MYRIP: variants seen among roughly 807,000 people sequenced by gnomAD.
MYRIP encodes the protein rab effector MyRIP.
Under a neutral mutation model 98.0 loss-of-function variants are expected in MYRIP, and 49 were observed. The ratio of observed to expected loss-of-function variants is 0.50; its 90% CI spans 0.40 to 0.63. The LOEUF (loss-of-function observed/expected upper bound fraction) is 0.63. Ranked by LOEUF, MYRIP falls within the 30% of genes least tolerant of loss-of-function variation. The pLI is 0.00. For synonymous variants in MYRIP, 404 were observed against 409.5 expected (o/e 0.99, Z 0.16); for missense variants, 1,004 against 1,058.2 (o/e 0.95, Z 0.71).
intron 5 of MYRIP, among the ~76,000 whole-genome samples, chr3:40,163,321 C>G (rs1214897757): frequency 6.6e-6 from 1 of 152,200 alleles, no homozygotes; most frequent in African/African-American, 2.4e-5. Context: ...CCTGTGACCT[C>G]CACAGCTTAT....
intron 3 of MYRIP, among the ~76,000 whole-genome samples, chr3:40,088,028 G>T (rs1948663508): frequency 6.6e-6 from 1 of 152,186 alleles, no homozygotes; most frequent in South Asian, 2.1e-4. Context: ...GCTGGCAGAA[G>T]TGCCAGGCTC....
intron 3 of MYRIP, among the ~76,000 whole-genome samples, chr3:40,090,516 A>G (rs545942186): frequency 4.6e-5 from 7 of 152,294 alleles, no homozygotes; most frequent in African/African-American, 9.6e-5. Flanking sequence ...TTTACCTATC[A>G]TCATTTCTGC....
chr3:39,997,936 C>A lies in MYRIP; in HGVS notation c.111-46114C>A, dbSNP rs142620447. On this transcript the variant is annotated intron_variant, in intron 2 of 16. Coordinates refer to ENST00000302541, the MANE Select transcript of MYRIP (RefSeq NM_015460.4). Reference sequence around the variant, plus strand: ...TAAACAGAATCAATGACAAAAACCACATAATTATCTCAATAAATGCAGAAA... The same window carrying A: ...TAAACAGAATCAATGACAAAAACCAAATAATTATCTCAATAAATGCAGAAA... 9.3e-3 allele frequency among the ~76,000 whole-genome samples: 1,418 copies of A among 152,220 alleles called. 23 individuals carry two copies. Among genetic ancestry groups the A allele is most frequent in the African/African-American group, 0.031 (1,304 of 41,522 alleles).
intron 13 of MYRIP, 58 bp downstream of exon 13, chr3:40,244,665 G>A (rs1310583590): frequency 1.3e-6 from 2 of 1,513,574 alleles, no homozygotes; most frequent in Non-Finnish European, 1.8e-6. Flanking sequence ...GGAGCCCCAT[G>A]TTCTACAAGA....
intron 2 of MYRIP, among the ~76,000 whole-genome samples, chr3:39,917,217 A>C (rs2125686519): frequency 6.6e-6 from 1 of 152,138 alleles, no homozygotes; most frequent in South Asian, 2.1e-4. Context: ...CAAAAAGATT[A>C]CATTAATTAA....
intron 2 of MYRIP, among the ~76,000 whole-genome samples, chr3:40,007,986 G>T (rs1417542663): frequency 6.6e-6 from 1 of 152,088 alleles, no homozygotes; most frequent in Non-Finnish European, 1.5e-5. Flanking sequence ...CACATATCTG[G>T]GTACTGTGGC....
chr3:40,046,322 C>A (rs563539002), intron 3 of MYRIP, among the ~76,000 whole-genome samples: 2 of 151,880 alleles, frequency 1.3e-5, no homozygotes, highest in East Asian at 1.9e-4. Flanking sequence ...TGGCTGCATG[C>A]GCTACACTGA....
At chr3:40,160,532 T>C (rs9683048) in intron 4 of MYRIP, among the ~76,000 whole-genome samples, 19,108 of 151,922 alleles carry the variant, frequency 0.13, 2,842 homozygotes, top group African/African-American at 0.36. Flanking sequence ...CCAGTTCGAG[T>C]TTCCTGGCTG....
At chr3:40,045,374 C>T (rs1381990344) in intron 3 of MYRIP, among the ~76,000 whole-genome samples, 6 of 152,042 alleles carry the variant, frequency 3.9e-5, no homozygotes, top group East Asian at 1.9e-4. Context: ...CTGGGTGCTA[C>T]GCAGGTCCTG....
chr3:39,818,433 C>T (rs1038926134), intron 1 of MYRIP, among the ~76,000 whole-genome samples: 2 of 152,148 alleles, frequency 1.3e-5, no homozygotes, highest in South Asian at 2.1e-4. Context: ...TTTATTGGCT[C>T]TTCATGGCCA....
chr3:39,986,871 G>C (rs1043337531), intron 2 of MYRIP, among the ~76,000 whole-genome samples: 2 of 152,136 alleles, frequency 1.3e-5, no homozygotes, highest in African/African-American at 2.4e-5. Context: ...GCAGACTGCA[G>C]CTGAGGCCAT....
intron 3 of MYRIP, among the ~76,000 whole-genome samples, chr3:40,074,253 T>C (rs1047276423): frequency 6.6e-6 from 1 of 152,024 alleles, no homozygotes; most frequent in Admixed American, 6.5e-5. Flanking sequence ...TTTTTGTGTT[T>C]TTAGTAGAGA....
At chr3:40,245,701 C>T (rs993304414) in intron 13 of MYRIP, among the ~76,000 whole-genome samples, 12 of 144,992 alleles carry the variant, frequency 8.3e-5, no homozygotes, top group Non-Finnish European at 1.5e-4. Context: ...GTTTGAGAGA[C>T]ACTCGTCTCT....
At chr3:39,955,616 C>G (rs1328388981) in intron 2 of MYRIP, among the ~76,000 whole-genome samples, 2 of 152,144 alleles carry the variant, frequency 1.3e-5, no homozygotes, top group Non-Finnish European at 2.9e-5. Context: ...GAAACTGCAT[C>G]AACTAACAAG....
chr3:39,860,217 C>T (rs1258625112), intron 1 of MYRIP, among the ~76,000 whole-genome samples: 1 of 152,184 alleles, frequency 6.6e-6, no homozygotes, highest in Non-Finnish European at 1.5e-5. Flanking sequence ...GTGAGTTGAG[C>T]AGGTGAGGAG....
intron 3 of MYRIP, among the ~76,000 whole-genome samples, chr3:40,122,075 G>T (rs1023251553): frequency 6.6e-6 from 1 of 151,998 alleles, no homozygotes; most frequent in Non-Finnish European, 1.5e-5. Context: ...GGCCTAAAAT[G>T]GAACCAAATT....
intron 2 of MYRIP, among the ~76,000 whole-genome samples, chr3:40,034,748 A>G (rs1162329201): frequency 6.6e-6 from 1 of 151,936 alleles, no homozygotes; most frequent in East Asian, 1.9e-4. Flanking sequence ...ATTATAAATC[A>G]TGCTGCTATA....
chr3:39,945,016 G>C (rs946566755), intron 2 of MYRIP, among the ~76,000 whole-genome samples: 1 of 151,940 alleles, frequency 6.6e-6, no homozygotes, highest in Non-Finnish European at 1.5e-5. Context: ...AGTTTCCTAA[G>C]ATCTTGACTG....
At position 39,842,810 on chromosome 3, in the gene MYRIP, A is replaced by G. The variant is rs144226892; in HGVS notation, c.-31+32894A>G. Among the ~76,000 whole-genome samples, 1,316 of 152,210 alleles carry G rather than the reference A, an allele frequency of 8.6e-3. 14 individuals are homozygous for G. The highest frequency in any genetic ancestry group is 0.014 in the Middle Eastern group (4 of 294). ...TGCACCCACTGTCTAACCAGTCCCA[A>G]TGAGATGAACCATGTACCTCAGTTG... On this transcript the variant is annotated intron_variant, in intron 1 of 16. Transcript: ENST00000302541.
Sources: allele counts gnomAD v4.1 joint callset (sites outside exome capture counted in the v4.1 genomes callset), GRCh38; gene constraint gnomAD v4.1.1; transcripts MANE v1.5; gene names NCBI Gene and HGNC (gene_info 2026-07-23, HGNC 2026-07-21).